Variants in KIF26B observed in about 807,000 individuals in gnomAD.
KIF26B encodes the protein kinesin family member 26B, also known as kinesin-like protein KIF26B.
A neutral mutation model predicts 151.2 loss-of-function variants in KIF26B; 63 were observed. That is an observed-to-expected ratio of 0.42 (90% CI 0.34 to 0.51). KIF26B has a LOEUF of 0.51. KIF26B is among the 20% of genes least tolerant of loss of function. KIF26B has a pLI of 0.07. For synonymous variants in KIF26B, 1,357 were observed against 1,262.1 expected (o/e 1.08, Z -1.59); for missense variants, 2,813 against 2,913.6 (o/e 0.97, Z 0.79).
intron 2 of KIF26B, among the ~76,000 whole-genome samples, chr1:245,263,952 G>C (rs1013995124): frequency 6.6e-6 from 1 of 152,218 alleles, no homozygotes; most frequent in African/African-American, 2.4e-5. Context: ...ATCTTCAGCA[G>C]TTTTTTCCAG....
chr1:245,440,925 G>T (rs77174701), intron 4 of KIF26B, among the ~76,000 whole-genome samples: 5,744 of 152,254 alleles, frequency 0.038, 321 homozygotes, highest in African/African-American at 0.12. Flanking sequence ...CCCATGTTTT[G>T]GGTGGGAATG....
chr1:245,543,486 G>T, intron 5 of KIF26B, among the ~76,000 whole-genome samples: 1 of 49,744 alleles, frequency 2.0e-5, no homozygotes, highest in East Asian at 5.4e-4. Context: ...GTGTCGAGGA[G>T]CGGGGCATCG....
intron 2 of KIF26B, among the ~76,000 whole-genome samples, chr1:245,284,866 C>G (rs1671137645): frequency 1.3e-5 from 2 of 151,844 alleles, no homozygotes; most frequent in South Asian, 4.2e-4. Flanking sequence ...TGGAGAAAAC[C>G]CCGTCTCTAA....
chr1:245,673,248 C>T (rs559842606), intron 10 of KIF26B, among the ~76,000 whole-genome samples: 1 of 142,088 alleles, frequency 7.0e-6, no homozygotes, highest in Non-Finnish European at 1.5e-5. Flanking sequence ...GAGGCCCAGT[C>T]CCCGCTGGGC....
chr1:245,341,685 G>C (rs1409745912), intron 2 of KIF26B, among the ~76,000 whole-genome samples: 1 of 152,152 alleles, frequency 6.6e-6, no homozygotes, highest in Non-Finnish European at 1.5e-5. Context: ...GGAAACAAAA[G>C]CTTGTTTATA....
chr1:245,370,783 G>C (rs1439587358), intron 3 of KIF26B: 2 of 375,948 alleles, frequency 5.3e-6, no homozygotes. Flanking sequence ...TCTTTTATTT[G>C]TGCAATGATT....
At chr1:245,365,935 C>T (rs1672938957) in intron 2 of KIF26B, among the ~76,000 whole-genome samples, 1 of 152,184 alleles carries the variant, frequency 6.6e-6, no homozygotes, top group African/African-American at 2.4e-5. Flanking sequence ...CTGTGTAATC[C>T]TAAAGCAAAG....
At chr1:245,234,765 C>T (rs1036889868) in intron 2 of KIF26B, among the ~76,000 whole-genome samples, 1 of 152,200 alleles carries the variant, frequency 6.6e-6, no homozygotes, top group Admixed American at 6.5e-5. Context: ...TTTTGACTTG[C>T]GTGAGCTCAG....
intron 6 of KIF26B, among the ~76,000 whole-genome samples, chr1:245,603,969 G>C (rs113957520): frequency 1.1e-4 from 17 of 152,186 alleles, no homozygotes; most frequent in Non-Finnish European, 2.4e-4. Flanking sequence ...GACCTCACCA[G>C]ATGCTGCAAC....
At chr1:245,442,600 C>T (rs1414261985) in intron 4 of KIF26B, among the ~76,000 whole-genome samples, 2 of 152,200 alleles carry the variant, frequency 1.3e-5, no homozygotes, top group Non-Finnish European at 2.9e-5. Flanking sequence ...CCTGACCATA[C>T]TGGGGAACTC....
intron 2 of KIF26B, among the ~76,000 whole-genome samples, chr1:245,303,218 C>A (rs12065218): frequency 0.36 from 28,718 of 80,408 alleles, 3,430 homozygotes; most frequent in Admixed American, 0.48. Flanking sequence ...TTTTTTTTTG[C>A]GACGGAGTCT....
intron 2 of KIF26B, among the ~76,000 whole-genome samples, chr1:245,317,487 G>A (rs1671801948): frequency 6.6e-6 from 1 of 152,156 alleles, no homozygotes; most frequent in African/African-American, 2.4e-5. Flanking sequence ...ACCACCTTGG[G>A]GAATGAAGTT....
At chr1:245,546,407 T>A (rs1661742926) in intron 5 of KIF26B, among the ~76,000 whole-genome samples, 1 of 152,012 alleles carries the variant, frequency 6.6e-6, no homozygotes, top group Admixed American at 6.6e-5. Flanking sequence ...GTAGAAACAG[T>A]GGGGATAGCT....
intron 3 of KIF26B, among the ~76,000 whole-genome samples, chr1:245,385,432 T>C (rs1052147240): frequency 9.2e-5 from 14 of 152,350 alleles, no homozygotes; most frequent in African/African-American, 3.4e-4. Flanking sequence ...ATCTACTGAG[T>C]GCATGGATGC....
At chr1:245,387,706 C>G (rs1199835980) in intron 3 of KIF26B, among the ~76,000 whole-genome samples, 1 of 152,082 alleles carries the variant, frequency 6.6e-6, no homozygotes, top group Non-Finnish European at 1.5e-5. Context: ...AAACCCGCAA[C>G]AAACTAAAAA....
At chr1:245,618,898 T>A (rs377574132) in intron 9 of KIF26B, among the ~76,000 whole-genome samples, 6 of 132,818 alleles carry the variant, frequency 4.5e-5, no homozygotes, top group Admixed American at 1.6e-4. Context: ...TGCTGCGTGC[T>A]GTTGGTGAGC....
intron 11 of KIF26B, among the ~76,000 whole-genome samples, chr1:245,684,957 G>A (rs181848485): frequency 6.6e-6 from 1 of 152,354 alleles, no homozygotes; most frequent in East Asian, 1.9e-4. Flanking sequence ...TGGTGGCAGG[G>A]TGGCAAGTAG....
At chr1:245,246,866 AAC>A (rs10623091) in intron 2 of KIF26B, among the ~76,000 whole-genome samples, 5,954 of 143,862 alleles carry the variant, frequency 0.041, 197 homozygotes, top group African/African-American at 0.093. Context: ...GTAAGGGCAG[AAC>A]ACACACACAC....
chr1:245,162,561 T>G lies in KIF26B; in HGVS notation c.465+5878T>G, dbSNP rs140348899. 4.4e-3 allele frequency among the ~76,000 whole-genome samples: 675 copies of G among 152,084 alleles called. 4 individuals are homozygous for G. The highest frequency in any genetic ancestry group is 6.8e-3 in the Middle Eastern group (2 of 294). ...CCACCACGCCCAGCTAATTTTTGTA[T>G]TTTTAGTAGAGATGGGGTTTCACCA... On this transcript the variant is annotated intron_variant, in intron 2 of 14. Coordinates refer to ENST00000407071, the MANE Select transcript of KIF26B (RefSeq NM_018012.4).
Sources: gnomAD v4.1 joint callset for allele counts (sites outside exome capture counted in the v4.1 genomes callset) on GRCh38, gnomAD v4.1.1 for gene constraint, MANE v1.5 for transcripts, NCBI Gene and HGNC (gene_info 2026-07-23, HGNC 2026-07-21) for gene names.